GRIA1: variants seen among roughly 807,000 people sequenced by gnomAD.
The protein encoded by GRIA1 is glutamate ionotropic receptor AMPA type subunit 1.
GRIA1 carries 31 observed loss-of-function variants against 99.2 expected under a neutral mutation model. The ratio of observed to expected loss-of-function variants is 0.31; its 90% CI spans 0.23 to 0.42. GRIA1 has a LOEUF of 0.42. GRIA1 is among the 10% of genes least tolerant of loss of function. The probability of loss-of-function intolerance (pLI) is 1.00; values close to 1 mark genes in which losing one functional copy is unlikely to be tolerated. For missense variants in GRIA1, 782 were observed against 1,157.5 expected, an observed-to-expected ratio of 0.68 and a Z score of 4.71; for synonymous variants, 438 against 432.4, an observed-to-expected ratio of 1.01 and a Z score of -0.16.
intron 5 of GRIA1, among the ~76,000 whole-genome samples, chr5:153,665,478 G>A (rs768422833): frequency 7.2e-5 from 11 of 152,342 alleles, no homozygotes; most frequent in Non-Finnish European, 1.6e-4. Flanking sequence ...TGTGTTACCA[G>A]AGATTATATA....
intron 2 of GRIA1, among the ~76,000 whole-genome samples, chr5:153,616,314 A>G (rs942410032): frequency 6.6e-6 from 1 of 152,250 alleles, no homozygotes; most frequent in Non-Finnish European, 1.5e-5. Context: ...TCCTGATTAT[A>G]ATTCTTATCT....
At chr5:153,742,633 G>A (rs1376463392) in intron 11 of GRIA1, among the ~76,000 whole-genome samples, 1 of 152,122 alleles carries the variant, frequency 6.6e-6, no homozygotes, top group Non-Finnish European at 1.5e-5. Flanking sequence ...TTCTTTCATG[G>A]TTCTCAGCTA....
intron 2 of GRIA1, among the ~76,000 whole-genome samples, chr5:153,575,636 G>A (rs1346685647): frequency 1.3e-5 from 2 of 152,172 alleles, no homozygotes; most frequent in African/African-American, 2.4e-5. Context: ...AGGCAGAACT[G>A]GGACTCGAAG....
chr5:153,605,530 T>A (rs937405095), intron 2 of GRIA1, among the ~76,000 whole-genome samples: 6 of 152,208 alleles, frequency 3.9e-5, no homozygotes, highest in Admixed American at 2.6e-4. Context: ...GAGTGTTATG[T>A]GAATGTTCAG....
chr5:153,612,935 A>G (rs1489044267), intron 2 of GRIA1, among the ~76,000 whole-genome samples: 1 of 151,882 alleles, frequency 6.6e-6, no homozygotes, highest in African/African-American at 2.4e-5. Flanking sequence ...AAAAAAAAAG[A>G]AATCTGGGTT....
chr5:153,629,868 T>C (rs1434520741), intron 2 of GRIA1, among the ~76,000 whole-genome samples: 1 of 152,232 alleles, frequency 6.6e-6, no homozygotes, highest in East Asian at 1.9e-4. Context: ...AATGACCCTC[T>C]TAGAGGCAAG....
intron 2 of GRIA1, among the ~76,000 whole-genome samples, chr5:153,571,705 C>T (rs923760593): frequency 6.6e-6 from 1 of 152,100 alleles, no homozygotes; most frequent in African/African-American, 2.4e-5. Context: ...GATACTTCTC[C>T]TAACACCATC....
intron 2 of GRIA1, among the ~76,000 whole-genome samples, chr5:153,593,386 TC>T (rs1213446854): frequency 2.0e-5 from 3 of 151,990 alleles, no homozygotes; most frequent in Admixed American, 2.0e-4. Context: ...AAACATGGAG[TC>T]CATAGCAATG....
chr5:153,686,389 A>G (rs2149497262), intron 8 of GRIA1, 60 bp downstream of exon 8: 1 of 1,241,120 alleles, frequency 8.1e-7, no homozygotes. Flanking sequence ...GACTCTGGCC[A>G]GAGCTGAGGG....
intron 10 of GRIA1, among the ~76,000 whole-genome samples, chr5:153,699,636 T>A (rs1466701528): frequency 6.6e-6 from 1 of 152,208 alleles, no homozygotes; most frequent in African/African-American, 2.4e-5. Flanking sequence ...ATAATAGGTA[T>A]GAATGTGCCT....
chr5:153,637,784 TTACGTATC>T (rs1370856236), intron 2 of GRIA1, among the ~76,000 whole-genome samples: 40 of 152,222 alleles, frequency 2.6e-4, no homozygotes, highest in African/African-American at 9.6e-4. Context: ...CAGGGGAGTA[TTACGTATC>T]TTCCAGACCT....
chr5:153,690,558 G>T (rs1317699779), intron 8 of GRIA1, among the ~76,000 whole-genome samples: 1 of 152,130 alleles, frequency 6.6e-6, no homozygotes. Flanking sequence ...GCACGTAGCG[G>T]ACATTCAGCC....
chr5:153,542,425 A>G (rs973418869), intron 2 of GRIA1, among the ~76,000 whole-genome samples: 2 of 152,294 alleles, frequency 1.3e-5, no homozygotes, highest in East Asian at 1.9e-4. Flanking sequence ...GAGTTGCCAC[A>G]TTGTGATCAT....
rs531117708 is a variant in GRIA1 at position 153,492,339 on chromosome 5, C to A, written c.82+1369C>A. The A allele has an allele frequency of 6.0e-6, 9 of 1,511,140 alleles. No individual in the cohort carries two copies. The South Asian group carries it at 1.1e-4, about 19-fold the overall frequency. The allele number at this position is 1,511,140 out of a possible 1,614,324, so 93.6% of individuals were successfully genotyped here. ...CGTATCTGTGTGTTAGTGCCTAACA[C>A]GCAAAACTTCCTGCCTTCAGGGGAG... is the stretch of plus-strand genomic sequence containing the variant. On this transcript the variant is annotated intron_variant, in intron 1 of 15. Coordinates refer to ENST00000285900, the MANE Select transcript of GRIA1 (RefSeq NM_000827.4).
At chr5:153,527,236 T>C (rs1378129210) in intron 2 of GRIA1, among the ~76,000 whole-genome samples, 2 of 152,140 alleles carry the variant, frequency 1.3e-5, no homozygotes, top group African/African-American at 2.4e-5. Context: ...AAAAACACAA[T>C]TTTGAAAGAT....
chr5:153,800,742 T>C (rs915378485), intron 14 of GRIA1, among the ~76,000 whole-genome samples: 1 of 152,236 alleles, frequency 6.6e-6, no homozygotes, highest in Non-Finnish European at 1.5e-5. Flanking sequence ...CTGAATCCTG[T>C]ACAATGCACC....
chr5:153,575,441 C>T (rs541052910), intron 2 of GRIA1, among the ~76,000 whole-genome samples: 27 of 152,298 alleles, frequency 1.8e-4, no homozygotes, highest in African/African-American at 6.0e-4. Flanking sequence ...ATTCAGCAGA[C>T]CCACAATCCG....
At chr5:153,630,220 C>T (rs1417872883) in intron 2 of GRIA1, among the ~76,000 whole-genome samples, 3 of 151,768 alleles carry the variant, frequency 2.0e-5, no homozygotes, top group African/African-American at 7.3e-5. Context: ...ATGCAAGCAC[C>T]TATTAGTAAT....
intron 15 of GRIA1, among the ~76,000 whole-genome samples, chr5:153,803,507 G>A (rs1376245861): frequency 6.6e-6 from 1 of 152,154 alleles, no homozygotes; most frequent in African/African-American, 2.4e-5. Flanking sequence ...TACTCAGTGA[G>A]GCAATCTATG....
Sources: allele counts gnomAD v4.1 joint callset (sites outside exome capture counted in the v4.1 genomes callset), GRCh38; gene constraint gnomAD v4.1.1; transcripts MANE v1.5; gene names NCBI Gene and HGNC (gene_info 2026-07-23, HGNC 2026-07-21).